The following AGBL4 variants were observed in gnomAD, a reference collection of about 807,000 sequenced individuals.
AGBL4 encodes AGBL carboxypeptidase 4, also known as cytosolic carboxypeptidase 6.
In AGBL4, 58 loss-of-function variants were observed where a neutral mutation model predicts 66.4. That is an observed-to-expected ratio of 0.87 (90% CI 0.71 to 1.09). The LOEUF (loss-of-function observed/expected upper bound fraction) is 1.09. AGBL4 is among the 50% of genes least tolerant of loss of function. The pLI, the probability that AGBL4 is intolerant of heterozygous loss-of-function variation, is 0.00. For missense variants in AGBL4, 579 were observed against 631.0 expected (o/e 0.92, Z 0.88); for synonymous variants, 234 against 222.9 (o/e 1.05, Z -0.44).
chr1:49,730,781 G>C (rs1399854539), intron 2 of AGBL4, among the ~76,000 whole-genome samples: 2 of 152,204 alleles, frequency 1.3e-5, no homozygotes, highest in African/African-American at 4.8e-5. Flanking sequence ...GTAGGCTCCA[G>C]CAAAGCCCAG....
intron 2 of AGBL4, chr1:49,842,247 A>G (rs765658418): frequency 4.0e-5 from 18 of 445,836 alleles, no homozygotes; most frequent in Non-Finnish European, 7.0e-5. Context: ...AGGGCCCTGT[A>G]CTATGATGTA....
At chr1:48,585,257 C>A (rs899278703) in intron 11 of AGBL4, 1 of 152,176 alleles carries the variant, frequency 6.6e-6, no homozygotes, top group Non-Finnish European at 1.5e-5. Flanking sequence ...CAAAAAACAA[C>A]AAACTAAGGG....
In AGBL4 at chr1:48,694,214, C is replaced by A. The variant is rs375433522; in HGVS notation, c.635-30973G>T. Among the ~76,000 whole-genome samples the A allele has an allele frequency of 1.0e-3, 159 of 152,134 alleles. 1 individual carries two copies. Among genetic ancestry groups the A allele is most frequent in the South Asian group, 8.5e-3 (41 of 4,812 alleles). On this transcript the variant is annotated intron_variant, in intron 6 of 13. Coordinates refer to ENST00000371839, the MANE Select transcript of AGBL4 (RefSeq NM_032785.4). Reference sequence around the variant, plus strand: ...ACCTCACCCCTTAGGAATCCTACAGCAGCAGAGAAACGGTGGTGGGTAGGA... The same window carrying A: ...ACCTCACCCCTTAGGAATCCTACAGAAGCAGAGAAACGGTGGTGGGTAGGA...
chr1:49,380,306 C>A (rs1570572478), intron 3 of AGBL4, among the ~76,000 whole-genome samples: 1 of 151,082 alleles, frequency 6.6e-6, no homozygotes, highest in Non-Finnish European at 1.5e-5. Flanking sequence ...GACGTGAAGA[C>A]ATGGAGAACT....
At chr1:48,811,278 A>T (rs1053653748) in intron 6 of AGBL4, among the ~76,000 whole-genome samples, 11 of 152,268 alleles carry the variant, frequency 7.2e-5, no homozygotes, top group Non-Finnish European at 1.3e-4. Context: ...AGGAACTGCT[A>T]AGACCATTCA....
intron 3 of AGBL4, among the ~76,000 whole-genome samples, chr1:49,342,448 A>C (rs1197089877): frequency 6.6e-6 from 1 of 152,132 alleles, no homozygotes; most frequent in Non-Finnish European, 1.5e-5. Context: ...AAAACTGATG[A>C]AGTTTCCCTC....
intron 2 of AGBL4, among the ~76,000 whole-genome samples, chr1:49,763,215 C>A (rs1392944270): frequency 6.6e-6 from 1 of 152,128 alleles, no homozygotes; most frequent in Non-Finnish European, 1.5e-5. Flanking sequence ...TAGACTCTTG[C>A]TTCTGTTCCA....
intron 11 of AGBL4, among the ~76,000 whole-genome samples, chr1:48,561,340 T>G (rs1013322609): frequency 7.2e-5 from 11 of 152,110 alleles, no homozygotes; most frequent in African/African-American, 2.4e-4. Flanking sequence ...TTGGATTAGA[T>G]TAACTCTACC....
chr1:49,782,293 C>T (rs1644355246), intron 2 of AGBL4, among the ~76,000 whole-genome samples: 1 of 151,904 alleles, frequency 6.6e-6, no homozygotes, highest in African/African-American at 2.4e-5. Flanking sequence ...CACTAACAAC[C>T]TTAAATAAAA....
At chr1:49,563,587 T>A (rs894448410) in intron 3 of AGBL4, among the ~76,000 whole-genome samples, 2 of 152,116 alleles carry the variant, frequency 1.3e-5, no homozygotes, top group Non-Finnish European at 2.9e-5. Flanking sequence ...TTGTCTTTGG[T>A]TCTGTTTATA....
At chr1:49,747,944 T>TTGTGTTTG (rs1651121718) in intron 2 of AGBL4, among the ~76,000 whole-genome samples, 1 of 147,468 alleles carries the variant, frequency 6.8e-6, no homozygotes, top group Non-Finnish European at 1.5e-5. Flanking sequence ...GTGTGTGTGT[T>TTGTGTTTG]TGTGTGTGTG....
intron 9 of AGBL4, among the ~76,000 whole-genome samples, chr1:48,618,972 T>G (rs532288641): frequency 6.6e-6 from 1 of 152,106 alleles, no homozygotes; most frequent in South Asian, 2.1e-4. Context: ...TCAATAGAAT[T>G]TCTCCTTTCT....
intron 4 of AGBL4, among the ~76,000 whole-genome samples, chr1:49,072,715 G>A (rs1644632811): frequency 2.0e-5 from 3 of 152,134 alleles, no homozygotes; most frequent in Admixed American, 1.3e-4. Flanking sequence ...TGACGATTAT[G>A]TGTCTTGGGG....
intron 1 of AGBL4, among the ~76,000 whole-genome samples, chr1:49,950,824 A>C (rs1301702724): frequency 6.6e-6 from 1 of 151,888 alleles, no homozygotes; most frequent in Admixed American, 6.6e-5. Flanking sequence ...CAAAATATGG[A>C]ATCAACCCAA....
At chr1:49,427,039 C>A (rs1645676267) in intron 3 of AGBL4, among the ~76,000 whole-genome samples, 1 of 152,016 alleles carries the variant, frequency 6.6e-6, no homozygotes, top group Non-Finnish European at 1.5e-5. Flanking sequence ...AACAAGAGAA[C>A]ACAAATGTCA....
At chr1:49,565,358 G>C (rs1644168035) in intron 3 of AGBL4, among the ~76,000 whole-genome samples, 1 of 152,150 alleles carries the variant, frequency 6.6e-6, no homozygotes, top group Non-Finnish European at 1.5e-5. Context: ...GATGTTAGCT[G>C]CTTATTTTGC....
intron 1 of AGBL4, among the ~76,000 whole-genome samples, chr1:49,894,254 A>G (rs754361739): frequency 3.9e-5 from 6 of 152,166 alleles, no homozygotes; most frequent in Non-Finnish European, 7.3e-5. Context: ...AAAAGGACAG[A>G]TAGAATAAGC....
At chr1:49,348,508 G>T (rs1448671508) in intron 3 of AGBL4, among the ~76,000 whole-genome samples, 1 of 152,174 alleles carries the variant, frequency 6.6e-6, no homozygotes, top group African/African-American at 2.4e-5. Context: ...ATAAGAAGGT[G>T]CTGTAAAGAT....
At chr1:49,685,745 T>A (rs1646776566) in intron 3 of AGBL4, among the ~76,000 whole-genome samples, 1 of 152,126 alleles carries the variant, frequency 6.6e-6, no homozygotes. Flanking sequence ...TTTCATCAGG[T>A]TGTTTTTTGC....
Sources: allele counts gnomAD v4.1 joint callset (sites outside exome capture counted in the v4.1 genomes callset), GRCh38; gene constraint gnomAD v4.1.1; transcripts MANE v1.5; gene names NCBI Gene and HGNC (gene_info 2026-07-23, HGNC 2026-07-21).